The following COL5A1 variants were observed in gnomAD, a reference collection of about 807,000 sequenced individuals.
The protein encoded by COL5A1 is collagen alpha-1(V) chain.
In COL5A1, 16 loss-of-function variants were observed where a neutral mutation model predicts 263.7. That is an observed-to-expected ratio of 0.06 (90% CI 0.04 to 0.09). The LOEUF (loss-of-function observed/expected upper bound fraction) is 0.09. Ranked by LOEUF, COL5A1 falls within the 10% of genes least tolerant of loss-of-function variation. The pLI, the probability that COL5A1 is intolerant of heterozygous loss-of-function variation, is 1.00. For synonymous variants in COL5A1, 1,012 were observed against 1,004.5 expected, an observed-to-expected ratio of 1.01 and a Z score of -0.14; for missense variants, 2,036 against 2,540.5, an observed-to-expected ratio of 0.80 and a Z score of 4.27.
intron 37 of COL5A1, among the ~76,000 whole-genome samples, chr9:134,800,043 T>C (rs977864610): frequency 1.8e-4 from 28 of 152,228 alleles, no homozygotes; most frequent in Non-Finnish European, 2.6e-4. Context: ...CATGGGCTAG[T>C]CCAGACAAGC....
rs1464905971 is a variant in COL5A1 at position 134,804,986 on chromosome 9, C to T, written c.3126C>T (p.Gly1042=). 6.2e-7 allele frequency: 1 copy of T among 1,613,674 alleles called. No individual in the cohort carries two copies. The highest frequency in any genetic ancestry group is 1.1e-5 in the South Asian group (1 of 91,090). Residue 1042 remains glycine, a synonymous_variant, in exon 40 of 66, where the codon GGC becomes GGT. Coordinates refer to ENST00000371817, the MANE Select transcript of COL5A1 (RefSeq NM_000093.5). The part of the protein sequence containing the change: ...AGKEGTKGDP[G]PAGLPGKDGP... ...GACTCTGTTTTCAGGGTGACCCAGG[C>T]CCTGCAGGCCTCCCTGGGAAAGATG...
intron 18 of COL5A1, among the ~76,000 whole-genome samples, chr9:134,760,360 C>G (rs1284497970): frequency 1.1e-5 from 1 of 95,208 alleles, no homozygotes; most frequent in East Asian, 4.1e-4. Flanking sequence ...CACCCCCACA[C>G]ATACACACAC....
At position 134,696,804 on chromosome 9, in the gene COL5A1, C is replaced by T. The variant is rs910290538; in HGVS notation, c.278-3105C>T. The stretch of plus-strand genomic sequence containing the variant: ...GAAAAGCTCTGGCCGGGCGGGGTGG[C>T]TCACACCTGTAATCCCAGCACTTTG... On this transcript the variant is annotated intron_variant, in intron 2 of 65. Coordinates refer to ENST00000371817, the MANE Select transcript of COL5A1 (RefSeq NM_000093.5). The surrounding 1 kb of genome is among the most constrained non-coding windows in gnomAD (Gnocchi z 4.3). Among the ~76,000 whole-genome samples, 1 of 152,148 alleles carries T rather than the reference C, an allele frequency of 6.6e-6. No homozygotes were observed. The highest frequency in any genetic ancestry group is 1.5e-5 in the Non-Finnish European group (1 of 68,032).
intron 52 of COL5A1, among the ~76,000 whole-genome samples, chr9:134,816,409 C>T (rs985626192): frequency 3.3e-5 from 5 of 152,232 alleles, no homozygotes; most frequent in African/African-American, 7.2e-5. Flanking sequence ...TTTTAAACAC[C>T]GCTTCAAGCC....
At chr9:134,667,354 C>T (rs1203380208) in intron 1 of COL5A1, among the ~76,000 whole-genome samples, 2 of 152,218 alleles carry the variant, frequency 1.3e-5, no homozygotes, top group Non-Finnish European at 2.9e-5. Flanking sequence ...GGCTGTGGAA[C>T]GCTGACCACC....
intron 9 of COL5A1, among the ~76,000 whole-genome samples, chr9:134,734,244 T>G (rs1466289269): frequency 6.6e-6 from 1 of 151,610 alleles, no homozygotes; most frequent in Non-Finnish European, 1.5e-5. Context: ...CTCTGGAAAG[T>G]CCAGTTCACC....
intron 1 of COL5A1, among the ~76,000 whole-genome samples, chr9:134,668,595 C>T (rs935181849): frequency 6.6e-6 from 1 of 152,042 alleles, no homozygotes; most frequent in Non-Finnish European, 1.5e-5. Flanking sequence ...CTTGTCCATC[C>T]ATACCATTAA....
At chr9:134,694,061 T>A (rs2132556783) in intron 2 of COL5A1, among the ~76,000 whole-genome samples, 1 of 152,076 alleles carries the variant, frequency 6.6e-6, no homozygotes, top group Admixed American at 6.5e-5. Context: ...GGGAACTGAG[T>A]GGAGCAAAAA....
intron 11 of COL5A1, among the ~76,000 whole-genome samples, chr9:134,747,958 C>T (rs1835613706): frequency 6.7e-6 from 1 of 148,154 alleles, no homozygotes; most frequent in African/African-American, 2.5e-5. Flanking sequence ...CATGCAGACA[C>T]ATGCACACAT....
At chr9:134,809,092 G>A (rs575363259) in intron 42 of COL5A1, 91 bp from the exon 43 acceptor site, 46 of 1,140,058 alleles carry the variant, frequency 4.0e-5, no homozygotes, top group Non-Finnish European at 6.0e-5. Flanking sequence ...CCCACTTCCT[G>A]CCAGCGGATC....
At chr9:134,659,548 T>A (rs1342552042) in intron 1 of COL5A1, among the ~76,000 whole-genome samples, 2 of 152,188 alleles carry the variant, frequency 1.3e-5, no homozygotes, top group Admixed American at 1.3e-4. Context: ...ACGGTTGCAC[T>A]TTTTTTCTTT....
chr9:134,703,929 G>T (rs1280794194), intron 4 of COL5A1, among the ~76,000 whole-genome samples: 1 of 152,188 alleles, frequency 6.6e-6, no homozygotes, highest in African/African-American at 2.4e-5. Context: ...GTGAGCCACC[G>T]CGCCCGGCCT....
Position 134,809,282 on chromosome 9 carries a change from G to T in COL5A1, c.3466G>T (p.Gly1156Ter). The T allele has an allele frequency of 6.2e-7, 1 of 1,608,110 alleles. No homozygotes were observed. Among genetic ancestry groups the T allele is most frequent in the South Asian group, 1.1e-5 (1 of 89,808 alleles). ...AGPVGPPGED[G>*]DKGEIGEPGQ... ...CCCTGTGGGTCCCCCTGGAGAAGAC[G>T]GAGATAAGGTAAGGCAAATCCAGAG... Residue 1156 changes from glycine (G) to a stop codon, truncating the protein, a stop_gained, in exon 43 of 66, where the codon GGA (glycine) becomes TGA (stop). Transcript: ENST00000371817. LOFTEE classifies it high-confidence loss of function.
At chr9:134,683,031 G>C (rs1040737995) in intron 1 of COL5A1, among the ~76,000 whole-genome samples, 2 of 152,182 alleles carry the variant, frequency 1.3e-5, no homozygotes, top group Admixed American at 6.5e-5. Flanking sequence ...CCTCAGACCC[G>C]GCTTCCTTCC....
At chr9:134,719,775 A>T (rs1387506251) in intron 4 of COL5A1, among the ~76,000 whole-genome samples, 1 of 152,142 alleles carries the variant, frequency 6.6e-6, no homozygotes, top group Non-Finnish European at 1.5e-5. Flanking sequence ...GGATGGGGAG[A>T]AAGCAATGAA....
intron 64 of COL5A1, among the ~76,000 whole-genome samples, chr9:134,830,605 G>A (rs548131440): frequency 5.1e-4 from 77 of 152,274 alleles, no homozygotes; most frequent in African/African-American, 1.8e-3. Flanking sequence ...CCTGCACCAC[G>A]GATCCCCTCT....
intron 59 of COL5A1, among the ~76,000 whole-genome samples, chr9:134,822,584 A>G (rs1214700667): frequency 2.0e-5 from 3 of 152,040 alleles, no homozygotes; most frequent in Non-Finnish European, 4.4e-5. Context: ...GCATCCCCAC[A>G]GCCGCTGGGC....
intron 1 of COL5A1, among the ~76,000 whole-genome samples, chr9:134,685,454 AT>A (rs1272853050): frequency 8.5e-4 from 8 of 9,442 alleles, no homozygotes; most frequent in East Asian, 2.6e-3. Context: ...TCCATCATCC[AT>A]CCATCCATCC....
intron 41 of COL5A1, 139 bp from the exon 42 acceptor site, chr9:134,806,050 G>C: frequency 4.3e-6 from 3 of 694,326 alleles, no homozygotes; most frequent in Non-Finnish European, 7.9e-6. Context: ...CAGGTAGTCT[G>C]TGCTTGCAAA....
Sources: gnomAD v4.1 joint callset for allele counts (sites outside exome capture counted in the v4.1 genomes callset) on GRCh38, gnomAD v4.1.1 for gene constraint, Gnocchi (gnomAD v3.1) non-coding constraint, MANE v1.5 for transcripts, NCBI Gene and HGNC (gene_info 2026-07-23, HGNC 2026-07-21) for gene names.